GRIK2: variants seen among roughly 807,000 people sequenced by gnomAD.
GRIK2 encodes glutamate ionotropic receptor kainate type subunit 2.
GRIK2 carries 32 observed loss-of-function variants against 100.3 expected under a neutral mutation model. The observed-to-expected ratio is 0.32, with a 90% CI of 0.24 to 0.43. The LOEUF (loss-of-function observed/expected upper bound fraction) is 0.43. Ranked by LOEUF, GRIK2 falls within the 20% of genes least tolerant of loss-of-function variation. The pLI, the probability that GRIK2 is intolerant of heterozygous loss-of-function variation, is 1.00. For synonymous variants in GRIK2, 417 were observed against 389.4 expected, an observed-to-expected ratio of 1.07 and a Z score of -0.83; for missense variants, 843 against 1,114.9, an observed-to-expected ratio of 0.76 and a Z score of 3.47.
chr6:101,443,173 A>C (rs189936592), intron 2 of GRIK2, among the ~76,000 whole-genome samples: 1 of 152,170 alleles, frequency 6.6e-6, no homozygotes, highest in Non-Finnish European at 1.5e-5. Flanking sequence ...CTGGGATAAG[A>C]GGCACATAGT....
chr6:101,563,609 T>G (rs1282278054), intron 2 of GRIK2, among the ~76,000 whole-genome samples: 1 of 152,200 alleles, frequency 6.6e-6, no homozygotes, highest in Non-Finnish European at 1.5e-5. Context: ...GCTGAATATC[T>G]GAATTTTAAG....
chr6:101,406,354 C>A (rs920764828), intron 2 of GRIK2, among the ~76,000 whole-genome samples: 3 of 151,992 alleles, frequency 2.0e-5, no homozygotes, highest in African/African-American at 7.3e-5. Flanking sequence ...ATTTTCTTAG[C>A]TAAAAACTGA....
At chr6:101,843,931 C>T (rs1357663065) in intron 10 of GRIK2, among the ~76,000 whole-genome samples, 1 of 152,128 alleles carries the variant, frequency 6.6e-6, no homozygotes, top group Non-Finnish European at 1.5e-5. Flanking sequence ...TCTCATGAGA[C>T]CATTGAGTTC....
intron 2 of GRIK2, among the ~76,000 whole-genome samples, chr6:101,596,082 C>A (rs1390696344): frequency 6.6e-6 from 1 of 150,932 alleles, no homozygotes; most frequent in African/African-American, 2.4e-5. Context: ...AATCACAGAG[C>A]AAACAACTTC....
intron 12 of GRIK2, 101 bp from the exon 13 acceptor site, chr6:101,924,500 A>T (rs1789759623): frequency 4.3e-6 from 3 of 701,656 alleles, no homozygotes; most frequent in Non-Finnish European, 7.8e-6. Flanking sequence ...CTTTCTACTT[A>T]AACTTATCTG....
At chr6:101,574,983 T>C (rs951802413) in intron 2 of GRIK2, among the ~76,000 whole-genome samples, 2 of 152,006 alleles carry the variant, frequency 1.3e-5, no homozygotes, top group Non-Finnish European at 2.9e-5. Flanking sequence ...GAGTTACTTC[T>C]TTCAAATGCA....
At position 101,760,614 on chromosome 6, in the gene GRIK2, T is replaced by TTTAATTATATATAATTATATA. The variant is rs1777533399; in HGVS notation, c.952-39033_952-39032insTAATTATATATAATTATATAT. The stretch of plus-strand genomic sequence containing the variant: ...TATATATAATTATATATAATTATAT[T>TTTAATTATATATAATTATATA]TAATTATATGTTTAATTATATATAA... On this transcript the variant is annotated intron_variant, in intron 7 of 16. Coordinates refer to ENST00000369134, the MANE Select transcript of GRIK2 (RefSeq NM_021956.5). Among the ~76,000 whole-genome samples the TTTAATTATATATAATTATATA allele has an allele frequency of 4.9e-5, 4 of 80,986 alleles. 1 individual carries two copies. The highest frequency in any genetic ancestry group is 1.0e-4 in the African/African-American group (2 of 19,280). 53.1% of individuals were successfully genotyped at this position (80,986 alleles called of 152,430 possible).
intron 12 of GRIK2, among the ~76,000 whole-genome samples, chr6:101,911,874 T>C (rs1393623978): frequency 6.6e-6 from 1 of 151,512 alleles, no homozygotes; most frequent in African/African-American, 2.4e-5. Context: ...TGAGCTTTAA[T>C]TGCATTATTA....
intron 2 of GRIK2, among the ~76,000 whole-genome samples, chr6:101,600,595 T>G (rs950162220): frequency 2.0e-5 from 3 of 151,818 alleles, no homozygotes; most frequent in Non-Finnish European, 2.9e-5. Context: ...GTTTTGTAGT[T>G]CTTCTTGTAG....
chr6:101,857,541 A>G (rs1784490213), intron 10 of GRIK2, among the ~76,000 whole-genome samples: 1 of 152,128 alleles, frequency 6.6e-6, no homozygotes, highest in Admixed American at 6.5e-5. Flanking sequence ...CTCTCATGGG[A>G]TGACTGTTGT....
chr6:101,945,885 G>A (rs1329263305), intron 14 of GRIK2, among the ~76,000 whole-genome samples: 1 of 147,346 alleles, frequency 6.8e-6, no homozygotes, highest in Non-Finnish European at 1.5e-5. Flanking sequence ...GAGCATTCTG[G>A]TAGATAATAG....
intron 14 of GRIK2, among the ~76,000 whole-genome samples, chr6:101,934,497 G>C (rs1790496598): frequency 6.6e-6 from 1 of 151,848 alleles, no homozygotes; most frequent in Admixed American, 6.6e-5. Flanking sequence ...AGTCTGAATT[G>C]CTAGTGTGGC....
rs534039435 is a variant in GRIK2 at position 101,510,648 on chromosome 6, G to A, written c.115+111256G>A. On this transcript the variant is annotated intron_variant, in intron 2 of 16. Coordinates refer to ENST00000369134, the MANE Select transcript of GRIK2 (RefSeq NM_021956.5). ...AGTGATTCTCCTGCCTCAGCCTCCCGAGTAGCTGGGATTACAGGCACCTGC... is the reference window on the plus strand; with the variant it reads ...AGTGATTCTCCTGCCTCAGCCTCCCAAGTAGCTGGGATTACAGGCACCTGC... Among the ~76,000 whole-genome samples, 8 of 148,176 alleles carry A rather than the reference G, an allele frequency of 5.4e-5. No homozygotes were observed. In the East Asian group the frequency reaches 1.0e-3, roughly 19 times the overall value.
intron 12 of GRIK2, among the ~76,000 whole-genome samples, chr6:101,923,886 A>G (rs1345560091): frequency 1.4e-5 from 2 of 144,724 alleles, no homozygotes; most frequent in South Asian, 4.4e-4. Flanking sequence ...GTGCCGCTGC[A>G]CTCACTCCAG....
At chr6:101,623,401 A>T (rs938085639) in intron 3 of GRIK2, among the ~76,000 whole-genome samples, 2 of 152,122 alleles carry the variant, frequency 1.3e-5, no homozygotes, top group Non-Finnish European at 2.9e-5. Flanking sequence ...GTGAAATATT[A>T]CATTTGTCAT....
intron 2 of GRIK2, among the ~76,000 whole-genome samples, chr6:101,404,606 A>T (rs949490183): frequency 1.3e-5 from 2 of 152,236 alleles, no homozygotes; most frequent in African/African-American, 2.4e-5. Flanking sequence ...AATGTAACAT[A>T]CTTAAATTAT....
intron 14 of GRIK2, among the ~76,000 whole-genome samples, chr6:101,943,522 G>A (rs181263181): frequency 2.0e-5 from 3 of 152,168 alleles, no homozygotes; most frequent in African/African-American, 7.2e-5. Context: ...AGCTGCAGAG[G>A]CTGTACCCTA....
intron 14 of GRIK2, among the ~76,000 whole-genome samples, chr6:102,021,181 A>C (rs1006775998): frequency 5.3e-5 from 8 of 151,802 alleles, no homozygotes; most frequent in African/African-American, 1.7e-4. Flanking sequence ...TTAAAGTAAA[A>C]GTTCAAATAC....
At chr6:101,422,905 C>T (rs1289390158) in intron 2 of GRIK2, among the ~76,000 whole-genome samples, 1 of 152,140 alleles carries the variant, frequency 6.6e-6, no homozygotes, top group Non-Finnish European at 1.5e-5. Context: ...CCTTGGTTTA[C>T]AGTGCATTTT....
Sources: gnomAD v4.1 joint callset for allele counts (sites outside exome capture counted in the v4.1 genomes callset) on GRCh38, gnomAD v4.1.1 for gene constraint, MANE v1.5 for transcripts, NCBI Gene and HGNC (gene_info 2026-07-23, HGNC 2026-07-21) for gene names.